Variants in SORCS1 observed in about 807,000 individuals in gnomAD.
SORCS1 encodes the protein VPS10 domain-containing receptor SorCS1.
In SORCS1, 60 loss-of-function variants were observed where a neutral mutation model predicts 146.1. The observed-to-expected ratio is 0.41, with a 90% confidence interval of 0.33 to 0.51. SORCS1 has a LOEUF of 0.51. SORCS1 is among the 20% of genes least tolerant of loss of function. The pLI is 0.21. For missense variants in SORCS1, 1,352 were observed against 1,487.6 expected, an observed-to-expected ratio of 0.91 and a Z score of 1.50; for synonymous variants, 637 against 584.0, an observed-to-expected ratio of 1.09 and a Z score of -1.31.
At chr10:106,991,427 G>A (rs1218070612) in intron 1 of SORCS1, among the ~76,000 whole-genome samples, 2 of 152,146 alleles carry the variant, frequency 1.3e-5, no homozygotes, top group Non-Finnish European at 2.9e-5. Context: ...GGATTTAACT[G>A]GTGAGCTGGC....
At chr10:107,079,353 C>G (rs1963150069) in intron 1 of SORCS1, among the ~76,000 whole-genome samples, 1 of 152,106 alleles carries the variant, frequency 6.6e-6, no homozygotes, top group Admixed American at 6.5e-5. Context: ...CAGACCCTTT[C>G]TGGAATTAGG....
intron 17 of SORCS1, among the ~76,000 whole-genome samples, chr10:106,657,362 A>T (rs1474521686): frequency 6.6e-6 from 1 of 152,172 alleles, no homozygotes; most frequent in African/African-American, 2.4e-5. Flanking sequence ...GGAATGGAAA[A>T]TCAAATACCA....
the SORCS1 span, among the ~76,000 whole-genome samples, chr10:107,181,004 G>C: frequency 1.7e-3 from 255 of 152,222 alleles, no homozygotes; most frequent in Admixed American, 3.7e-3. Context: ...AGATAGAAAA[G>C]GTACAGTAAA....
intron 18 of SORCS1, among the ~76,000 whole-genome samples, chr10:106,635,442 T>C (rs1161946071): frequency 6.6e-6 from 1 of 152,098 alleles, no homozygotes; most frequent in Non-Finnish European, 1.5e-5. Context: ...AAATATACCA[T>C]AAATCTGTAT....
intron 1 of SORCS1, among the ~76,000 whole-genome samples, chr10:107,052,589 G>C (rs1365406661): frequency 6.6e-6 from 1 of 152,062 alleles, no homozygotes; most frequent in African/African-American, 2.4e-5. Context: ...GCACTTTAAA[G>C]GATAATGCAG....
chr10:106,637,427 T>C (rs936246887), intron 18 of SORCS1, among the ~76,000 whole-genome samples: 5 of 152,192 alleles, frequency 3.3e-5, no homozygotes, highest in Non-Finnish European at 7.3e-5. Flanking sequence ...TCCAAATCCA[T>C]GCATAATTAC....
Position 106,675,323 on chromosome 10 carries a change from G to A in SORCS1, c.1833-167C>T, listed in dbSNP as rs1851944472. On this transcript the variant is annotated intron_variant, in intron 13 of 25. Coordinates refer to ENST00000263054, the MANE Select transcript of SORCS1 (RefSeq NM_052918.5). Reference sequence around the variant, plus strand: ...GTATTCTTAATTATATCAGAAAGTAGAAATACAGTTAGCCAAGCCACCGGG... The same window carrying A: ...GTATTCTTAATTATATCAGAAAGTAAAAATACAGTTAGCCAAGCCACCGGG... 3.3e-5 allele frequency among the ~76,000 whole-genome samples: 5 copies of A among 152,114 alleles called. No individual in the cohort carries two copies. In the South Asian group the frequency reaches 1.0e-3, roughly 32 times the overall value.
chr10:106,920,864 G>C (rs1203555826), intron 2 of SORCS1, among the ~76,000 whole-genome samples: 1 of 152,098 alleles, frequency 6.6e-6, no homozygotes. Flanking sequence ...CTTCTCAACT[G>C]CTTGTCACCT....
intron 24 of SORCS1, among the ~76,000 whole-genome samples, chr10:106,595,115 A>G (rs1845830901): frequency 6.6e-6 from 1 of 152,170 alleles, no homozygotes; most frequent in South Asian, 2.1e-4. Context: ...TTTGGGTAGG[A>G]AAAGGCCAGT....
At chr10:107,134,054 T>C in intron 1 of SORCS1, among the ~76,000 whole-genome samples, 1 of 152,136 alleles carries the variant, frequency 6.6e-6, no homozygotes, top group Non-Finnish European at 1.5e-5. Context: ...TTATTACTAC[T>C]AGTAGTAGTA....
chr10:106,978,510 T>G (rs1357443095), intron 1 of SORCS1, among the ~76,000 whole-genome samples: 2 of 152,100 alleles, frequency 1.3e-5, no homozygotes, highest in Non-Finnish European at 2.9e-5. Flanking sequence ...CTTAAAAGAC[T>G]AAATAGTGGC....
At chr10:106,722,326 A>G (rs1368749647) in intron 6 of SORCS1, among the ~76,000 whole-genome samples, 1 of 152,166 alleles carries the variant, frequency 6.6e-6, no homozygotes, top group Non-Finnish European at 1.5e-5. Flanking sequence ...GCATTTCAGC[A>G]GCGCTTACCT....
intron 1 of SORCS1, among the ~76,000 whole-genome samples, chr10:106,992,295 G>T (rs12266740): frequency 0.4 from 60,413 of 151,958 alleles, 13,973 homozygotes; most frequent in African/African-American, 0.65. Context: ...GAATGAGGAA[G>T]TGGAGTGGTC....
chr10:107,094,077 AT>A (rs1964389290), intron 1 of SORCS1, among the ~76,000 whole-genome samples: 1 of 151,888 alleles, frequency 6.6e-6, no homozygotes, highest in Non-Finnish European at 1.5e-5. Flanking sequence ...CCCTTACTTT[AT>A]TTTCTCCATA....
At chr10:106,679,145 T>C in intron 12 of SORCS1, 111 bp downstream of exon 12, 1 of 669,094 alleles carries the variant, frequency 1.5e-6, no homozygotes, top group Non-Finnish European at 2.6e-6. Context: ...ATATTCACAG[T>C]CATTAGGATT....
chr10:106,679,463 C>T (rs2135552833), intron 11 of SORCS1, 131 bp from the exon 12 acceptor site: 1 of 955,638 alleles, frequency 1.0e-6, no homozygotes, highest in South Asian at 1.6e-5. Flanking sequence ...TTTCTGCAGA[C>T]TTGCTTCAGG....
At chr10:106,792,034 T>C (rs1946344083) in intron 3 of SORCS1, among the ~76,000 whole-genome samples, 1 of 152,224 alleles carries the variant, frequency 6.6e-6, no homozygotes, top group Non-Finnish European at 1.5e-5. Context: ...CTTTTTCTTA[T>C]TGATTTGTAT....
At chr10:106,865,336 C>T (rs1293008248) in intron 2 of SORCS1, among the ~76,000 whole-genome samples, 1 of 152,178 alleles carries the variant, frequency 6.6e-6, no homozygotes, top group Non-Finnish European at 1.5e-5. Flanking sequence ...GGTTTTGCAG[C>T]CTTCGCTGTT....
chr10:106,788,585 T>C (rs531470159), intron 3 of SORCS1, among the ~76,000 whole-genome samples: 4 of 152,312 alleles, frequency 2.6e-5, no homozygotes, highest in African/African-American at 9.6e-5. Context: ...GGGGCAATCA[T>C]TAAACTTTAA....
Sources: allele counts gnomAD v4.1 joint callset (sites outside exome capture counted in the v4.1 genomes callset), GRCh38; gene constraint gnomAD v4.1.1; transcripts MANE v1.5; gene names NCBI Gene and HGNC (gene_info 2026-07-23, HGNC 2026-07-21).